IQCJ: variants seen among roughly 807,000 people sequenced by gnomAD.
IQCJ encodes the protein IQ motif containing J.
A neutral mutation model predicts 11.0 loss-of-function variants in IQCJ; 9 were observed. The ratio of observed to expected loss-of-function variants is 0.82; its 90% CI spans 0.49 to 1.43. IQCJ has a LOEUF of 1.43. Ranked by LOEUF, IQCJ falls within the 40% of genes most tolerant of loss-of-function variation. The probability of loss-of-function intolerance (pLI) is 0.00; values close to 1 mark genes in which losing one functional copy is unlikely to be tolerated. For synonymous variants in IQCJ, 55 were observed against 51.3 expected, an observed-to-expected ratio of 1.07 and a Z score of -0.31; for missense variants, 146 against 133.2, an observed-to-expected ratio of 1.10 and a Z score of -0.47.
At chr3:159,218,754 C>G (rs1309016616) in intron 1 of IQCJ, among the ~76,000 whole-genome samples, 1 of 152,106 alleles carries the variant, frequency 6.6e-6, no homozygotes, top group African/African-American at 2.4e-5. Flanking sequence ...TCTATTGCTG[C>G]TGTAACAAAT....
intron 1 of IQCJ, among the ~76,000 whole-genome samples, chr3:159,200,821 C>T (rs1724284992): frequency 6.6e-6 from 1 of 152,184 alleles, no homozygotes. Context: ...TTCTAAAAAG[C>T]TTCCTGGACA....
chr3:159,256,349 G>T (rs1313408823), intron 3 of IQCJ, among the ~76,000 whole-genome samples: 1 of 152,206 alleles, frequency 6.6e-6, no homozygotes, highest in African/African-American at 2.4e-5. Flanking sequence ...AAAGGAGAGA[G>T]AGGGGCAGAG....
intron 1 of IQCJ, among the ~76,000 whole-genome samples, chr3:159,092,426 G>T (rs1413978245): frequency 2.0e-5 from 3 of 151,802 alleles, no homozygotes; most frequent in African/African-American, 7.3e-5. Flanking sequence ...TAGGCCTGGC[G>T]CTGTGGCTCA....
chr3:159,205,758 T>C (rs1259224718), intron 1 of IQCJ, among the ~76,000 whole-genome samples: 1 of 152,180 alleles, frequency 6.6e-6, no homozygotes, highest in African/African-American at 2.4e-5. Flanking sequence ...TGAGTACTCT[T>C]TGTGACATCC....
intron 1 of IQCJ, among the ~76,000 whole-genome samples, chr3:159,139,371 G>A (rs1334210239): frequency 6.6e-6 from 1 of 152,106 alleles, no homozygotes; most frequent in Non-Finnish European, 1.5e-5. Context: ...CATATTGTTA[G>A]CCTGTTTGCT....
chr3:159,116,026 A>G (rs546882296), intron 1 of IQCJ, among the ~76,000 whole-genome samples: 41 of 152,282 alleles, frequency 2.7e-4, no homozygotes, highest in African/African-American at 9.6e-4. Context: ...CTATGTAACA[A>G]ACCTGCATGT....
chr3:159,171,503 C>G (rs1722482436), intron 1 of IQCJ, among the ~76,000 whole-genome samples: 1 of 152,128 alleles, frequency 6.6e-6, no homozygotes, highest in African/African-American at 2.4e-5. Context: ...AACAGGCTCC[C>G]AGGTAATGCT....
intron 1 of IQCJ, among the ~76,000 whole-genome samples, chr3:159,135,444 G>T (rs1005345122): frequency 1.3e-5 from 2 of 152,122 alleles, no homozygotes; most frequent in African/African-American, 4.8e-5. Context: ...AACCCCAGAG[G>T]CTTAATAAAC....
intron 1 of IQCJ, among the ~76,000 whole-genome samples, chr3:159,204,361 C>T (rs1724527816): frequency 6.6e-6 from 1 of 152,196 alleles, no homozygotes; most frequent in Non-Finnish European, 1.5e-5. Context: ...CCTGGTTCTT[C>T]TCTAGATTGC....
intron 3 of IQCJ, among the ~76,000 whole-genome samples, chr3:159,262,028 A>C (rs1728240178): frequency 6.6e-6 from 1 of 152,202 alleles, no homozygotes; most frequent in Non-Finnish European, 1.5e-5. Flanking sequence ...ACTGTGCTGC[A>C]CATCACTGAC....
intron 1 of IQCJ, among the ~76,000 whole-genome samples, chr3:159,076,699 A>G (rs1439958175): frequency 6.6e-6 from 1 of 152,102 alleles, no homozygotes; most frequent in Non-Finnish European, 1.5e-5. Flanking sequence ...TGCATGTGTC[A>G]GTCCTGGCAT....
chr3:159,218,114 A>G (rs1275521870), intron 1 of IQCJ, among the ~76,000 whole-genome samples: 1 of 151,970 alleles, frequency 6.6e-6, no homozygotes, highest in Non-Finnish European at 1.5e-5. Context: ...ATCTATTTAG[A>G]CAAGTCTCAT....
intron 1 of IQCJ, among the ~76,000 whole-genome samples, chr3:159,117,434 T>G (rs1028938291): frequency 1.3e-5 from 2 of 152,222 alleles, no homozygotes; most frequent in African/African-American, 4.8e-5. Context: ...TGCCTAATCC[T>G]TTTTGGCCTT....
Position 159,118,853 on chromosome 3 carries a change from G to T in IQCJ, c.9+49412G>T, listed in dbSNP as rs111583835. ...GCCTAATCTACAATACTGAAGGAAG[G>T]TTCGCTCATAGCTCTTGATAAAATG... On this transcript the variant is annotated intron_variant, in intron 1 of 3. Coordinates refer to ENST00000397832, the MANE Select transcript of IQCJ (RefSeq NM_001042706.3). Among the ~76,000 whole-genome samples, 725 of 152,250 alleles carry T rather than the reference G, an allele frequency of 4.8e-3. 10 individuals are homozygous for T. The highest frequency in any genetic ancestry group is 0.016 in the African/African-American group (647 of 41,544).
chr3:159,102,724 T>C (rs953399699), intron 1 of IQCJ, among the ~76,000 whole-genome samples: 1 of 152,336 alleles, frequency 6.6e-6, no homozygotes, highest in Non-Finnish European at 1.5e-5. Context: ...CATTAATGAA[T>C]TGACTGCTGA....
intron 1 of IQCJ, among the ~76,000 whole-genome samples, chr3:159,190,024 T>C (rs994839500): frequency 1.3e-5 from 2 of 152,162 alleles, no homozygotes; most frequent in African/African-American, 4.8e-5. Context: ...CCCTTAATCA[T>C]AAAGATTCAG....
intron 1 of IQCJ, among the ~76,000 whole-genome samples, chr3:159,119,760 A>G (rs1719244698): frequency 6.6e-6 from 1 of 152,170 alleles, no homozygotes; most frequent in Non-Finnish European, 1.5e-5. Context: ...GCAGAACTTC[A>G]ATACTGAGCC....
chr3:159,125,801 C>G (rs1040211907), intron 1 of IQCJ, among the ~76,000 whole-genome samples: 1 of 152,212 alleles, frequency 6.6e-6, no homozygotes, highest in Non-Finnish European at 1.5e-5. Flanking sequence ...AAATATGGAA[C>G]TGATTAATGG....
At chr3:159,081,265 A>C (rs1164100834) in intron 1 of IQCJ, among the ~76,000 whole-genome samples, 1 of 152,130 alleles carries the variant, frequency 6.6e-6, no homozygotes, top group Non-Finnish European at 1.5e-5. Context: ...CTTTTGTAAG[A>C]GCAAGACAAA....
Sources: allele counts gnomAD v4.1 joint callset (sites outside exome capture counted in the v4.1 genomes callset), GRCh38; gene constraint gnomAD v4.1.1; transcripts MANE v1.5; gene names NCBI Gene and HGNC (gene_info 2026-07-23, HGNC 2026-07-21).